Variants in FER observed in about 807,000 individuals in gnomAD.
FER encodes FER tyrosine kinase.
In FER, 63 loss-of-function variants were observed where a neutral mutation model predicts 111.0. The observed-to-expected ratio is 0.57, with a 90% CI of 0.46 to 0.70. The LOEUF (loss-of-function observed/expected upper bound fraction) is 0.70, where lower values mean the gene tolerates loss of function less well. FER is among the 30% of genes least tolerant of loss of function. The probability of loss-of-function intolerance (pLI) is 0.00; values close to 1 mark genes in which losing one functional copy is unlikely to be tolerated. For synonymous variants in FER, 327 were observed against 313.9 expected, an observed-to-expected ratio of 1.04 and a Z score of -0.44; for missense variants, 914 against 954.0, an observed-to-expected ratio of 0.96 and a Z score of 0.55.
At chr5:108,992,714 T>C (rs1178006574) in intron 13 of FER, among the ~76,000 whole-genome samples, 29 of 146,612 alleles carry the variant, frequency 2.0e-4, no homozygotes, top group African/African-American at 6.6e-4. Context: ...GGGTGGCTGC[T>C]GGGCGGAGAC....
chr5:108,952,304 A>T (rs1757862322), intron 11 of FER, among the ~76,000 whole-genome samples: 1 of 140,622 alleles, frequency 7.1e-6, no homozygotes, highest in South Asian at 2.5e-4. Context: ...GGGATGTTAC[A>T]TTTTTTTTGC....
At chr5:109,027,617 T>A (rs1005229626) in intron 13 of FER, among the ~76,000 whole-genome samples, 1 of 152,088 alleles carries the variant, frequency 6.6e-6, no homozygotes, top group Non-Finnish European at 1.5e-5. Flanking sequence ...GGGATAACTT[T>A]AGGAAGAAAT....
chr5:108,951,042 A>T (rs1287217761), intron 11 of FER, among the ~76,000 whole-genome samples: 1 of 152,036 alleles, frequency 6.6e-6, no homozygotes, highest in Non-Finnish European at 1.5e-5. Flanking sequence ...AGGCTCGGGC[A>T]GGCGGATCAT....
At position 109,071,854 on chromosome 5, in the gene FER, G is replaced by A. The variant is rs563769506; in HGVS notation, c.1924+24656G>A. Among the ~76,000 whole-genome samples, 3 of 151,804 alleles carry A rather than the reference G, an allele frequency of 2.0e-5. No individual in the cohort carries two copies. In the East Asian group the frequency reaches 5.8e-4, roughly 29 times the overall value. On this transcript the variant is annotated intron_variant, in intron 16 of 19. Coordinates refer to ENST00000281092, the MANE Select transcript of FER (RefSeq NM_005246.4). ...TAATGAGTGGAGAAACTGGAAAAAAGCCATTAACTGTGAAAAGCTTTACAT... is the reference window on the plus strand; with the variant it reads ...TAATGAGTGGAGAAACTGGAAAAAAACCATTAACTGTGAAAAGCTTTACAT...
chr5:108,873,091 T>C (rs1764759150), intron 8 of FER, among the ~76,000 whole-genome samples: 1 of 152,052 alleles, frequency 6.6e-6, no homozygotes, highest in African/African-American at 2.4e-5. Flanking sequence ...AGGTAGGAAA[T>C]GCAGACTGGC....
At chr5:108,898,940 A>G (rs574591027) in intron 10 of FER, among the ~76,000 whole-genome samples, 16 of 152,180 alleles carry the variant, frequency 1.1e-4, no homozygotes, top group Admixed American at 2.0e-4. Flanking sequence ...TGCCAAGGTT[A>G]AAAAAGTCTG....
intron 2 of FER, among the ~76,000 whole-genome samples, chr5:108,788,515 G>A (rs1353648603): frequency 6.7e-6 from 1 of 150,094 alleles, no homozygotes; most frequent in Admixed American, 6.6e-5. Flanking sequence ...ACACCCTAAT[G>A]ATCCTGCGAC....
intron 2 of FER, among the ~76,000 whole-genome samples, chr5:108,773,229 CAGGTTTATTATAT>C (rs1295992945): frequency 6.6e-6 from 1 of 151,922 alleles, no homozygotes; most frequent in Non-Finnish European, 1.5e-5. Flanking sequence ...GCAGGATGTG[CAGGTTTATTATAT>C]AGGTAAACAT....
rs1759305385 is a variant in FER, at chr5:109,190,478, G to A, written c.*2903G>A. On this transcript the variant is annotated 3_prime_UTR_variant, in exon 20 of 20. Transcript: ENST00000281092. ...TCACTGGTCACTAAGGGGCCTTTATGAGACAGTTTAGGTTGTTCATCATTT... is the reference window on the plus strand; with the variant it reads ...TCACTGGTCACTAAGGGGCCTTTATAAGACAGTTTAGGTTGTTCATCATTT... 6.6e-6 allele frequency: 1 copy of A among 152,100 alleles called. No individual in the cohort carries two copies. The highest frequency in any genetic ancestry group is 2.4e-5 in the African/African-American group (1 of 41,422). 9.4% of individuals were successfully genotyped at this position (152,100 alleles called of 1,614,324 possible). A position where few individuals can be genotyped will look rare whatever the true frequency, so the allele number is the denominator to read the frequency against.
intron 17 of FER, among the ~76,000 whole-genome samples, chr5:109,125,028 A>C (rs1183111838): frequency 7.0e-6 from 1 of 143,832 alleles, no homozygotes; most frequent in Non-Finnish European, 1.5e-5. Flanking sequence ...CCTGGGCGAC[A>C]GAGTGAGACT....
At position 109,191,389 on chromosome 5, in the gene FER, C is replaced by G. The variant is rs878878516; in HGVS notation, c.*3814C>G. 4 of 152,116 alleles carry G rather than the reference C, an allele frequency of 2.6e-5. No individual in the cohort carries two copies. The highest frequency in any genetic ancestry group is 1.3e-4 in the Admixed American group (2 of 15,254). 9.4% of individuals were successfully genotyped at this position (152,116 alleles called of 1,614,324 possible). On this transcript the variant is annotated 3_prime_UTR_variant, in exon 20 of 20. Transcript: ENST00000281092. Reference sequence around the variant, plus strand: ...AAGCATTGTTTGCCTCAGCCCTCTTCTTTTTACGTATACTCCATTTATCAT... The same window carrying G: ...AAGCATTGTTTGCCTCAGCCCTCTTGTTTTTACGTATACTCCATTTATCAT...
Position 109,089,672 on chromosome 5 carries a change from A to C in FER, c.1925-10724A>C, listed in dbSNP as rs141745460. ...TACAAAGCCAAGAATAGCCATCTTG[A>C]AATGAGTGAAAAAAGCAGTTTGACT... On this transcript the variant is annotated intron_variant, in intron 16 of 19. Transcript: ENST00000281092. Among the ~76,000 whole-genome samples the C allele has an allele frequency of 9.6e-3, 1,466 of 152,328 alleles. 20 individuals carry two copies. The highest frequency in any genetic ancestry group is 0.034 in the African/African-American group (1,409 of 41,566).
chr5:109,116,321 G>A (rs781262695), intron 17 of FER, among the ~76,000 whole-genome samples: 4 of 151,036 alleles, frequency 2.6e-5, no homozygotes, highest in Non-Finnish European at 4.4e-5. Context: ...AGTTATAAAA[G>A]AATTATTTTA....
chr5:108,979,251 C>T (rs1270047192), intron 13 of FER, among the ~76,000 whole-genome samples: 2 of 152,098 alleles, frequency 1.3e-5, no homozygotes, highest in African/African-American at 4.8e-5. Flanking sequence ...GTTCAGAAGT[C>T]GATTCAGCTT....
chr5:108,785,116 C>T lies in FER; in HGVS notation c.-59-13008C>T. The T allele has an allele frequency of 6.0e-6, 3 of 501,516 alleles. No individual in the cohort carries two copies. In the South Asian group the frequency reaches 8.4e-5, roughly 14 times the overall value. The allele number at this position is 501,516 out of a possible 1,614,324, so 31.1% of individuals were successfully genotyped here. A position where few individuals can be genotyped will look rare whatever the true frequency, so the allele number is the denominator to read the frequency against. On this transcript the variant is annotated intron_variant, in intron 2 of 19. Coordinates refer to ENST00000281092, the MANE Select transcript of FER (RefSeq NM_005246.4). ...CTATCACTGTCTCCTGTAGCTGGGA[C>T]AAGCTGGTCAAGGTATGGAATCTGG... is the stretch of plus-strand genomic sequence containing the variant.
At chr5:108,991,704 AG>A (rs1186828901) in intron 13 of FER, among the ~76,000 whole-genome samples, 1 of 151,992 alleles carries the variant, frequency 6.6e-6, no homozygotes, top group African/African-American at 2.4e-5. Flanking sequence ...TTATTCAGTA[AG>A]GTTTTTTTTA....
chr5:108,891,660 T>C (rs1004189206), intron 9 of FER: 1 of 151,114 alleles, frequency 6.6e-6, no homozygotes, highest in African/African-American at 2.4e-5. Flanking sequence ...TTGTTTGTTT[T>C]TTTTTTCTTT....
chr5:108,968,799 C>G (rs1275430184), intron 13 of FER, among the ~76,000 whole-genome samples: 3 of 151,372 alleles, frequency 2.0e-5, no homozygotes, highest in Non-Finnish European at 4.4e-5. Context: ...AAACTCATAC[C>G]ACAAAAGGGT....
chr5:108,785,266 C>T, intron 2 of FER: 1 of 555,712 alleles, frequency 1.8e-6, no homozygotes, highest in Non-Finnish European at 3.4e-6. Flanking sequence ...TGTGGGATCT[C>T]AACGAAGGCA....
Sources: allele counts gnomAD v4.1 joint callset (sites outside exome capture counted in the v4.1 genomes callset), GRCh38; gene constraint gnomAD v4.1.1; transcripts MANE v1.5; gene names NCBI Gene and HGNC (gene_info 2026-07-23, HGNC 2026-07-21).